FAF1: variants seen among roughly 807,000 people sequenced by gnomAD.
FAF1 encodes FAS-associated factor 1.
A neutral mutation model predicts 92.5 loss-of-function variants in FAF1; 25 were observed. The observed-to-expected ratio is 0.27, with a 90% CI of 0.20 to 0.38. The LOEUF is 0.38. Among genes scored for constraint, FAF1 ranks in the 10% least tolerant of loss-of-function variants. FAF1 has a pLI of 1.00. For missense variants in FAF1, 636 were observed against 793.3 expected (o/e 0.80, Z 2.38); for synonymous variants, 234 against 273.2 (o/e 0.86, Z 1.42).
chr1:50,726,385 C>T (rs895986433), intron 6 of FAF1, among the ~76,000 whole-genome samples: 4 of 152,114 alleles, frequency 2.6e-5, no homozygotes, highest in African/African-American at 9.7e-5. Context: ...TTCTGTCACA[C>T]CTTGCTGTTA....
chr1:50,860,140 A>C (rs917709789), intron 1 of FAF1, among the ~76,000 whole-genome samples: 3 of 152,008 alleles, frequency 2.0e-5, no homozygotes, highest in African/African-American at 7.2e-5. Context: ...TAAGACCTCA[A>C]ACTATAAGAA....
chr1:50,600,047 G>C (rs1460318772), intron 8 of FAF1, among the ~76,000 whole-genome samples: 1 of 152,110 alleles, frequency 6.6e-6, no homozygotes. Context: ...CTGTGATTGA[G>C]TATCCCTAAT....
chr1:50,884,935 C>T (rs1644646122), intron 1 of FAF1, among the ~76,000 whole-genome samples: 1 of 152,100 alleles, frequency 6.6e-6, no homozygotes, highest in African/African-American at 2.4e-5. Flanking sequence ...TTCGTTACAC[C>T]TTCGATCATG....
At position 50,583,720 on chromosome 1, in the gene FAF1, AAAAC is replaced by A. The variant is rs781222041; in HGVS notation, c.968-9_968-6del. The A allele has an allele frequency of 2.8e-5, 44 of 1,567,530 alleles. No homozygotes were observed. In the South Asian group the frequency reaches 3.6e-4, roughly 13 times the overall value. On this transcript the variant is annotated splice_polypyrimidine_tract_variant and splice_region_variant and intron_variant, in intron 10 of 18. Coordinates refer to ENST00000396153, the MANE Select transcript of FAF1 (RefSeq NM_007051.3). The surrounding 1 kb of genome is among the most constrained non-coding windows in gnomAD (Gnocchi z 4.2). ...CATTTTCTGCGTTTTCTGGCACTAA[AAAAC>A]AAACAAAAGAAAAAACAAAAACAAA... is the stretch of plus-strand genomic sequence containing the variant.
intron 7 of FAF1, among the ~76,000 whole-genome samples, chr1:50,695,151 T>C (rs1205703338): frequency 6.6e-6 from 1 of 151,432 alleles, no homozygotes; most frequent in Non-Finnish European, 1.5e-5. Context: ...CTCAAGTCTG[T>C]AATCCCAGCA....
intron 1 of FAF1, among the ~76,000 whole-genome samples, chr1:50,955,204 T>C (rs1410526671): frequency 6.6e-6 from 1 of 152,202 alleles, no homozygotes; most frequent in East Asian, 1.9e-4. Context: ...AATTCTACAA[T>C]TACAAAAAGA....
chr1:50,836,284 C>A (rs1644204662), intron 2 of FAF1, among the ~76,000 whole-genome samples: 1 of 150,854 alleles, frequency 6.6e-6, no homozygotes, highest in Non-Finnish European at 1.5e-5. Context: ...AATCCTCCCA[C>A]CTCAGCCTCC....
At chr1:50,469,813 C>T (rs1646548601) in intron 18 of FAF1, among the ~76,000 whole-genome samples, 1 of 152,106 alleles carries the variant, frequency 6.6e-6, no homozygotes, top group African/African-American at 2.4e-5. Context: ...AATGTTGCGA[C>T]CATCTAGATA....
chr1:50,849,017 G>T (rs964646282), intron 2 of FAF1, among the ~76,000 whole-genome samples: 4 of 152,102 alleles, frequency 2.6e-5, no homozygotes, highest in African/African-American at 9.7e-5. Context: ...CCAGAACTTT[G>T]GGAGGCCAGG....
At position 50,960,061 on chromosome 1, in the gene FAF1, C is replaced by G. The variant is rs1023406048; in HGVS notation, c.-250G>C. ...CTGCGGAGCCCGCGTCGCAGCAGCCCGGACAGGAAGATTGGTCTGGATGTG... is the reference window on the plus strand; with the variant it reads ...CTGCGGAGCCCGCGTCGCAGCAGCCGGGACAGGAAGATTGGTCTGGATGTG... On this transcript the variant is annotated 5_prime_UTR_variant, in exon 1 of 19. Coordinates refer to ENST00000396153, the MANE Select transcript of FAF1 (RefSeq NM_007051.3). 1 of 395,388 alleles carries G rather than the reference C, an allele frequency of 2.5e-6. No homozygotes were observed. The highest frequency in any genetic ancestry group is 2.1e-5 in the African/African-American group (1 of 48,462). 24.5% of individuals were successfully genotyped at this position (395,388 alleles called of 1,614,324 possible).
At chr1:50,477,663 T>C (rs2149000334) in intron 17 of FAF1, among the ~76,000 whole-genome samples, 1 of 152,294 alleles carries the variant, frequency 6.6e-6, no homozygotes, top group Middle Eastern at 3.4e-3. Flanking sequence ...TCTGTGTATA[T>C]CAAAATTAAA....
chr1:50,739,386 ATG>A (rs888416915), intron 5 of FAF1, among the ~76,000 whole-genome samples: 70 of 126,482 alleles, frequency 5.5e-4, no homozygotes, highest in Middle Eastern at 7.8e-3. Context: ...ATATACATAT[ATG>A]TGTGTTTATG....
At chr1:50,598,202 A>C (rs1352074001) in intron 8 of FAF1, among the ~76,000 whole-genome samples, 4 of 152,102 alleles carry the variant, frequency 2.6e-5, no homozygotes, top group Non-Finnish European at 4.4e-5. Context: ...TTGCTGAGGC[A>C]GGAGGATCAC....
At chr1:50,904,223 G>A (rs946057447) in intron 1 of FAF1, among the ~76,000 whole-genome samples, 1 of 152,136 alleles carries the variant, frequency 6.6e-6, no homozygotes, top group Non-Finnish European at 1.5e-5. Flanking sequence ...GCTACAGTGT[G>A]GATGCACCCT....
At chr1:50,675,810 A>G (rs998836973) in intron 7 of FAF1, among the ~76,000 whole-genome samples, 3 of 152,236 alleles carry the variant, frequency 2.0e-5, no homozygotes, top group African/African-American at 4.8e-5. Context: ...TTATGATACA[A>G]TGTGATAGTT....
chr1:50,906,301 G>C (rs760670047), intron 1 of FAF1, among the ~76,000 whole-genome samples: 12 of 152,240 alleles, frequency 7.9e-5, no homozygotes, highest in Non-Finnish European at 1.8e-4. Context: ...ATAGTTTGAA[G>C]TCAGGTAACG....
chr1:50,667,398 T>C (rs1309475757), intron 7 of FAF1, among the ~76,000 whole-genome samples: 2 of 152,208 alleles, frequency 1.3e-5, no homozygotes, highest in African/African-American at 4.8e-5. Flanking sequence ...CCTATCCTGT[T>C]ATTCTAGTTT....
At chr1:50,782,164 A>C (rs1661201443) in intron 4 of FAF1, among the ~76,000 whole-genome samples, 1 of 152,174 alleles carries the variant, frequency 6.6e-6, no homozygotes, top group Non-Finnish European at 1.5e-5. Context: ...TGTTATTTTA[A>C]AGTATACACT....
intron 18 of FAF1, among the ~76,000 whole-genome samples, chr1:50,471,851 G>T (rs1646576725): frequency 6.6e-6 from 1 of 151,918 alleles, no homozygotes; most frequent in Non-Finnish European, 1.5e-5. Context: ...GGCAAAAAAT[G>T]GAAAAAGAGT....
Sources: allele counts gnomAD v4.1 joint callset (sites outside exome capture counted in the v4.1 genomes callset), GRCh38; gene constraint gnomAD v4.1.1; non-coding constraint Gnocchi (gnomAD v3.1); transcripts MANE v1.5; gene names NCBI Gene and HGNC (gene_info 2026-07-23, HGNC 2026-07-21).